Variants in LIPK observed in about 807,000 individuals in gnomAD.
The protein encoded by LIPK is lipase member K.
In LIPK, 32 loss-of-function variants were observed where a neutral mutation model predicts 48.6. The observed-to-expected ratio is 0.66, with a 90% CI of 0.50 to 0.88. LIPK has a LOEUF of 0.88. LIPK is among the 40% of genes least tolerant of loss of function. The pLI, the probability that LIPK is intolerant of heterozygous loss-of-function variation, is 0.00. For missense variants in LIPK, 507 were observed against 478.5 expected, an observed-to-expected ratio of 1.06 and a Z score of -0.56; for synonymous variants, 164 against 157.4, an observed-to-expected ratio of 1.04 and a Z score of -0.32.
At chr10:88,741,609 A>G (rs1248177570) in intron 8 of LIPK, among the ~76,000 whole-genome samples, 1 of 152,192 alleles carries the variant, frequency 6.6e-6, no homozygotes, top group African/African-American at 2.4e-5. Flanking sequence ...GGATAGAAAT[A>G]AGTGGGGATG....
intron 2 of LIPK, among the ~76,000 whole-genome samples, chr10:88,725,568 C>T (rs560215563): frequency 1.8e-4 from 28 of 152,316 alleles, no homozygotes; most frequent in African/African-American, 6.7e-4. Flanking sequence ...TTGATTAAGG[C>T]ATAAGCTTTG....
chr10:88,743,761 A>G lies in LIPK; in HGVS notation c.960+440A>G, dbSNP rs565638289. ...CCTGGGCTAGAGGGAGGATTCTGGG[A>G]AGCCTGAACGGGGTTGCTGAGCACC... is the stretch of plus-strand genomic sequence containing the variant. On this transcript the variant is annotated intron_variant, in intron 9 of 9. Coordinates refer to ENST00000404190, the MANE Select transcript of LIPK (RefSeq NM_001080518.2). Among the ~76,000 whole-genome samples, 109 of 152,308 alleles carry G rather than the reference A, an allele frequency of 7.2e-4. 1 individual carries two copies. In the South Asian group the frequency reaches 0.012, roughly 17 times the overall value.
Position 88,732,661 on chromosome 10 carries a change from A to G in LIPK, c.669+110A>G, listed in dbSNP as rs1263520878. 4 of 1,106,240 alleles carry G rather than the reference A, an allele frequency of 3.6e-6. No homozygotes were observed. The Admixed American group carries it at 9.4e-5, about 26-fold the overall frequency. 68.5% of individuals were successfully genotyped at this position (1,106,240 alleles called of 1,614,324 possible). A position where few individuals can be genotyped will look rare whatever the true frequency, so the allele number is the denominator to read the frequency against. ...ACAAACTTCTGAGAAAATAATAGGT[A>G]TTCAAGATATCCATGTAAGTTCACT... On this transcript the variant is annotated intron_variant, in intron 6 of 9. Transcript: ENST00000404190.
chr10:88,747,280 A>T (rs186694647), intron 9 of LIPK, among the ~76,000 whole-genome samples: 2 of 152,180 alleles, frequency 1.3e-5, no homozygotes, highest in Non-Finnish European at 2.9e-5. Flanking sequence ...AGCATCCATC[A>T]TTCTGATGCC....
intron 9 of LIPK, among the ~76,000 whole-genome samples, chr10:88,750,818 GA>G (rs1040321400): frequency 1.1e-4 from 16 of 151,894 alleles, no homozygotes; most frequent in Non-Finnish European, 2.2e-4. Flanking sequence ...GTTGGAAGGG[GA>G]AAAAAATCAA....
Position 88,747,923 on chromosome 10 carries a change from A to G in LIPK, c.961-4594A>G, listed in dbSNP as rs148999909. On this transcript the variant is annotated intron_variant, in intron 9 of 9. Transcript: ENST00000404190. The stretch of plus-strand genomic sequence containing the variant: ...CATTACTGGGTATATACCCAAAGGA[A>G]TATAAACCATTCTACTATAAAGATA... Among the ~76,000 whole-genome samples, 101 of 152,282 alleles carry G rather than the reference A, an allele frequency of 6.6e-4. 1 individual carries two copies. The East Asian group carries it at 0.019, about 29-fold the overall frequency.
At chr10:88,747,248 C>T (rs1842781870) in intron 9 of LIPK, among the ~76,000 whole-genome samples, 1 of 152,174 alleles carries the variant, frequency 6.6e-6, no homozygotes, top group Admixed American at 6.5e-5. Context: ...AGGGACTCTT[C>T]TCTAACTCAT....
chr10:88,725,479 G>A (rs933984985), intron 2 of LIPK, among the ~76,000 whole-genome samples: 1 of 152,172 alleles, frequency 6.6e-6, no homozygotes, highest in South Asian at 2.1e-4. Context: ...TCCAGAGCCT[G>A]GGCTCTTCAC....
At chr10:88,752,130 C>T (rs1842873742) in intron 9 of LIPK, among the ~76,000 whole-genome samples, 1 of 152,108 alleles carries the variant, frequency 6.6e-6, no homozygotes, top group African/African-American at 2.4e-5. Flanking sequence ...ATTAATAATG[C>T]CACTGAGCCC....
At chr10:88,729,769 C>T (rs976502283) in intron 3 of LIPK, among the ~76,000 whole-genome samples, 1 of 152,130 alleles carries the variant, frequency 6.6e-6, no homozygotes, top group Non-Finnish European at 1.5e-5. Context: ...TCCTTGGTCC[C>T]GATGGCTGAA....
intron 1 of LIPK, among the ~76,000 whole-genome samples, 83 bp downstream of exon 1, chr10:88,706,403 A>T (rs1377781383): frequency 2.0e-5 from 3 of 152,196 alleles, no homozygotes; most frequent in African/African-American, 7.2e-5. Context: ...ACAGAACTTT[A>T]CATGTTGATG....
intron 1 of LIPK, among the ~76,000 whole-genome samples, chr10:88,720,138 A>T (rs910011203): frequency 1.3e-5 from 2 of 152,174 alleles, no homozygotes; most frequent in Non-Finnish European, 2.9e-5. Flanking sequence ...CAAGTAATGT[A>T]CCTTTTTCCA....
At chr10:88,748,485 C>A (rs1004721862) in intron 9 of LIPK, among the ~76,000 whole-genome samples, 8 of 151,856 alleles carry the variant, frequency 5.3e-5, no homozygotes, top group Admixed American at 2.0e-4. Context: ...GGTGTGGTGG[C>A]AGGCACCTGT....
At chr10:88,730,283 TTTTTG>T (rs1313437735) in intron 3 of LIPK, among the ~76,000 whole-genome samples, 1 of 152,132 alleles carries the variant, frequency 6.6e-6, no homozygotes, top group Non-Finnish European at 1.5e-5. Flanking sequence ...AGACAGCTTT[TTTTTG>T]TTTTGTTTTA....
chr10:88,748,313 A>C (rs950575225), intron 9 of LIPK, among the ~76,000 whole-genome samples: 3 of 152,118 alleles, frequency 2.0e-5, no homozygotes. Flanking sequence ...AGTCAATAGG[A>C]GCATCAAACT....
chr10:88,744,868 G>C (rs1379324409), intron 9 of LIPK, among the ~76,000 whole-genome samples: 2 of 152,052 alleles, frequency 1.3e-5, no homozygotes, highest in Non-Finnish European at 2.9e-5. Flanking sequence ...TCAGTCCAAG[G>C]AATCTAAGGA....
chr10:88,712,047 G>T (rs1260558359), intron 1 of LIPK, among the ~76,000 whole-genome samples: 1 of 152,052 alleles, frequency 6.6e-6, no homozygotes, highest in Non-Finnish European at 1.5e-5. Flanking sequence ...CTTTCTCATT[G>T]AAATACATTG....
intron 1 of LIPK, among the ~76,000 whole-genome samples, chr10:88,706,641 T>G (rs982153589): frequency 2.0e-5 from 3 of 152,208 alleles, no homozygotes; most frequent in Non-Finnish European, 4.4e-5. Context: ...ACCTCTCTTT[T>G]GAGTCTTGCA....
rs1275745479 is a variant in LIPK, at chr10:88,737,808, A to G, written c.816+27A>G. 3 of 1,610,944 alleles carry G rather than the reference A, an allele frequency of 1.9e-6. No individual in the cohort carries two copies. In the South Asian group the frequency reaches 3.3e-5, roughly 18 times the overall value. On this transcript the variant is annotated intron_variant, in intron 7 of 9. Transcript: ENST00000404190. ...TAGGTGTAAGTAATTGGGTCTGGGA[A>G]AACATTTGTTTTGTTGCACAGAAGT...
Sources: allele counts gnomAD v4.1 joint callset (sites outside exome capture counted in the v4.1 genomes callset), GRCh38; gene constraint gnomAD v4.1.1; transcripts MANE v1.5; gene names NCBI Gene and HGNC (gene_info 2026-07-23, HGNC 2026-07-21).